ATXN3: variants seen among roughly 807,000 people sequenced by gnomAD.
The protein encoded by ATXN3 is ataxin-3.
A neutral mutation model predicts 58.2 loss-of-function variants in ATXN3; 28 were observed. The observed-to-expected ratio is 0.48, with a 90% CI of 0.36 to 0.66. The LOEUF is 0.66. ATXN3 is among the 30% of genes least tolerant of loss of function. The pLI is 0.00. For missense variants in ATXN3, 321 were observed against 422.1 expected (o/e 0.76, Z 2.10); for synonymous variants, 113 against 138.5 (o/e 0.82, Z 1.29).
chr14:92,045,388 A>G (rs977278923), intron 2 of ATXN3, among the ~76,000 whole-genome samples: 1 of 152,178 alleles, frequency 6.6e-6, no homozygotes, highest in Non-Finnish European at 1.5e-5. Context: ...TATTTCTGAC[A>G]GAAGGGAAGA....
upstream of ATXN3, chr14:92,050,387 A>C (rs1305385669): frequency 6.6e-6 from 1 of 152,206 alleles, no homozygotes; most frequent in Non-Finnish European, 1.5e-5. Context: ...TTTTTCTGCA[A>C]AATATCTCAG....
intron 1 of ATXN3, among the ~76,000 whole-genome samples, chr14:92,106,183 A>C (rs1378508367): frequency 3.3e-5 from 5 of 152,130 alleles, no homozygotes; most frequent in Non-Finnish European, 7.4e-5. Flanking sequence ...GGGAGAGGGA[A>C]GGATTGGGGA....
intron 2 of ATXN3, chr14:92,096,353 G>T: frequency 2.1e-6 from 3 of 1,400,842 alleles, no homozygotes; most frequent in Non-Finnish European, 2.8e-6. Flanking sequence ...AGCCGGGTGT[G>T]GTGGCTCACA....
rs112193853 is a variant in ATXN3 at position 92,102,306 on chromosome 14, C to CA, written c.24+4222dup. Among the ~76,000 whole-genome samples, 323 of 146,674 alleles carry CA rather than the reference C, an allele frequency of 2.2e-3. 2 individuals carry two copies. The highest frequency in any genetic ancestry group is 6.5e-3 in the African/African-American group (259 of 40,060). On this transcript the variant is annotated intron_variant, in intron 1 of 10. Transcript: ENST00000644486. ...AGGGAGGGAATAAATAAATTAAAAA[C>CA]AAAAAAAAAAATAAAAGAAATTCTA...
chr14:92,054,729 C>T (rs139896703), downstream of ATXN3, among the ~76,000 whole-genome samples: 220 of 152,196 alleles, frequency 1.4e-3, no homozygotes, highest in Non-Finnish European at 2.3e-3. Context: ...GGTCTGGATC[C>T]GGACCCCTTT....
chr14:92,075,302 T>C (rs1290170861), intron 9 of ATXN3, among the ~76,000 whole-genome samples: 1 of 151,868 alleles, frequency 6.6e-6, no homozygotes, highest in African/African-American at 2.4e-5. Context: ...ATAGCTAGGA[T>C]TACAGGCGCC....
At chr14:92,073,893 G>A (rs1316202661) in intron 9 of ATXN3, among the ~76,000 whole-genome samples, 1 of 150,804 alleles carries the variant, frequency 6.6e-6, no homozygotes, top group Non-Finnish European at 1.5e-5. Context: ...CACACCTGTA[G>A]TCCCAGCTAC....
chr14:92,047,145 C>G (rs553092325), intron 2 of ATXN3, among the ~76,000 whole-genome samples: 2 of 152,214 alleles, frequency 1.3e-5, no homozygotes, highest in East Asian at 3.9e-4. Context: ...CAGGTAAAAG[C>G]AAAAGAGGCT....
At chr14:92,066,670 T>C (rs998780949) in intron 10 of ATXN3, among the ~76,000 whole-genome samples, 2 of 147,826 alleles carry the variant, frequency 1.4e-5, no homozygotes, top group Non-Finnish European at 3.0e-5. Flanking sequence ...TACAGTGGCA[T>C]GAGCTTGGCT....
rs1470379017 is a variant in ATXN3 at position 92,059,865 on chromosome 14, G to C, written c.*4455C>G. 1 of 150,866 alleles carries C rather than the reference G, an allele frequency of 6.6e-6. No individual in the cohort carries two copies. Among genetic ancestry groups the C allele is most frequent in the East Asian group, 1.9e-4 (1 of 5,136 alleles). 9.3% of individuals were successfully genotyped at this position (150,866 alleles called of 1,614,324 possible). On this transcript the variant is annotated 3_prime_UTR_variant, in exon 11 of 11. Coordinates refer to ENST00000644486, the MANE Select transcript of ATXN3 (RefSeq NM_004993.6). ...AGAAAGAAAGAAAAAGAAAATAGCG[G>C]CCCAACGCCTCTTCGTTTCCGGATT...
At chr14:92,065,889 A>AATAAT (rs1566908877) in intron 10 of ATXN3, among the ~76,000 whole-genome samples, 8 of 151,596 alleles carry the variant, frequency 5.3e-5, no homozygotes, top group African/African-American at 1.7e-4. Context: ...TAAAAAAGAA[A>AATAAT]AATAATAATA....
chr14:92,083,605 T>C (rs188907529), intron 6 of ATXN3: 137 of 382,548 alleles, frequency 3.6e-4, no homozygotes, highest in Admixed American at 1.0e-3. Flanking sequence ...GCAACTGATT[T>C]AGAATCAGAC....
At chr14:92,047,006 G>A (rs116568328) in intron 2 of ATXN3, among the ~76,000 whole-genome samples, 2,379 of 152,322 alleles carry the variant, frequency 0.016, 68 homozygotes, top group African/African-American at 0.054. Flanking sequence ...AATAAGGTGA[G>A]AAGCGAAGGG....
In ATXN3 at chr14:92,081,037, T is replaced by C. The variant is rs766538029; in HGVS notation, c.800A>G (p.Asp267Gly). 3 of 1,611,266 alleles carry C rather than the reference T, an allele frequency of 1.9e-6. No homozygotes were observed. The highest frequency in any genetic ancestry group is 1.3e-5 in the African/African-American group (1 of 74,866). ...ATTTGTACCTGATGTCTGTGTCATA[T>C]CTTGAGATATGTTTCTGGAACTACC... The part of the protein sequence containing the change: ...MQGSSRNISQ[D>G]MTQTSGTNLT... The change falls in exon 9 of 11, where the codon GAT becomes GGT. Residue 267 changes from aspartate to glycine, a missense_variant. By Grantham distance (94) the Asp-to-Gly change is moderately conservative. Coordinates refer to ENST00000644486, the MANE Select transcript of ATXN3 (RefSeq NM_004993.6).
intron 1 of ATXN3, among the ~76,000 whole-genome samples, 197 bp downstream of exon 1, chr14:92,106,332 C>T (rs1248081565): frequency 1.3e-5 from 2 of 151,966 alleles, no homozygotes; most frequent in Non-Finnish European, 2.9e-5. Flanking sequence ...AGGGCGGGGG[C>T]CGCGGGGGAA....
chr14:92,086,565 CAAA>C (rs138766948), intron 6 of ATXN3, among the ~76,000 whole-genome samples: 3 of 98,396 alleles, frequency 3.0e-5, no homozygotes, highest in Admixed American at 1.3e-4. Flanking sequence ...AACTCCATCT[CAAA>C]AAAAAAAAAA....
At chr14:92,049,523 A>C (rs925210816) in intron 1 of ATXN3, 1 of 153,444 alleles carries the variant, frequency 6.5e-6, no homozygotes, top group Non-Finnish European at 1.5e-5. Flanking sequence ...AAGAACTGGA[A>C]TTGGAAGGAC....
rs2057858920 is a variant in ATXN3, at chr14:92,062,740, GA to G, written c.*1579del. On this transcript the variant is annotated 3_prime_UTR_variant, in exon 11 of 11. Coordinates refer to ENST00000644486, the MANE Select transcript of ATXN3 (RefSeq NM_004993.6). ...GACTTAAAAAATCTGTTATATCGAA[GA>G]AAAAGCTATTTTATAATCATAAATA... 6.6e-6 allele frequency: 1 copy of G among 152,476 alleles called. No individual in the cohort carries two copies. The highest frequency in any genetic ancestry group is 6.5e-5 in the Admixed American group (1 of 15,280). 9.4% of individuals were successfully genotyped at this position (152,476 alleles called of 1,614,324 possible).
chr14:92,067,571 AT>A (rs1296427920), intron 10 of ATXN3, among the ~76,000 whole-genome samples: 1 of 152,010 alleles, frequency 6.6e-6, no homozygotes, highest in Non-Finnish European at 1.5e-5. Flanking sequence ...TAATTTTTGT[AT>A]TTTTAGTAGA....
Sources: gnomAD v4.1 joint callset for allele counts (sites outside exome capture counted in the v4.1 genomes callset) on GRCh38, gnomAD v4.1.1 for gene constraint, MANE v1.5 for transcripts, NCBI Gene and HGNC (gene_info 2026-07-23, HGNC 2026-07-21) for gene names.